Variants in RGS12 observed in about 807,000 individuals in gnomAD.
RGS12 encodes regulator of G-protein signaling 12.
Under a neutral mutation model 120.1 loss-of-function variants are expected in RGS12, and 66 were observed. The ratio of observed to expected loss-of-function variants is 0.55; its 90% confidence interval spans 0.45 to 0.67. RGS12 has a LOEUF of 0.67. RGS12 is among the 30% of genes least tolerant of loss of function. The pLI, the probability that RGS12 is intolerant of heterozygous loss-of-function variation, is 0.00. For missense variants in RGS12, 1,859 were observed against 1,957.7 expected, an observed-to-expected ratio of 0.95 and a Z score of 0.95; for synonymous variants, 827 against 804.7, an observed-to-expected ratio of 1.03 and a Z score of -0.47.
At position 3,416,958 on chromosome 4, in the gene RGS12, TC is replaced by T; in HGVS notation, c.2477del (p.Pro826ArgfsTer45). 1 of 1,610,990 alleles carries T rather than the reference TC, an allele frequency of 6.2e-7. No individual in the cohort carries two copies. Among genetic ancestry groups the T allele is most frequent in the Non-Finnish European group, 8.5e-7 (1 of 1,177,696 alleles). On this transcript the variant is annotated frameshift_variant, in exon 8 of 18. Coordinates refer to ENST00000336727, the MANE Select transcript of RGS12 (RefSeq NM_001394154.1). LOFTEE classifies it high-confidence loss of function. ...TGATAGCTACACTCGCTTTCTGAAG[TC>T]CCCGCTGTACCAGGAATGCATCCTG... ...KFDSYTRFLKSPLYQECILAE... is the reference protein window; with the variant it reads ...KFDSYTRFLKXPLYQECILAE...
Position 3,417,021 on chromosome 4 carries a change from C to G in RGS12, c.2536C>G (p.Gln846Glu). Reference protein sequence around the residue: ...VEGRALPDSQQVPSSPASKHS... With the variant: ...VEGRALPDSQEVPSSPASKHS... ...GGGCCGTGCACTCCCGGACTCGCAG[C>G]AGGTCCCCAGCAGCCCGGCTTCCAA... Residue 846 changes from glutamine (Q) to glutamate (E), a missense_variant, in exon 8 of 18, where the codon CAG becomes GAG. Gln to Glu is a conservative substitution (Grantham distance 29, BLOSUM62 2). Around this residue, in one of 3 missense-constraint regions of RGS12, gnomAD observed 375 missense variants for 475.0 expected, o/e 0.79. Transcript: ENST00000336727. 6.2e-7 allele frequency: 1 copy of G among 1,613,370 alleles called. No individual in the cohort carries two copies.
At chr4:3,435,843 G>C (rs1417505352) in intron 17 of RGS12, among the ~76,000 whole-genome samples, 1 of 152,152 alleles carries the variant, frequency 6.6e-6, no homozygotes. Context: ...CTACCCCCAT[G>C]TTCCCTCCAG....
intron 2 of RGS12, among the ~76,000 whole-genome samples, chr4:3,338,106 G>A (rs1712675068): frequency 6.6e-6 from 1 of 152,238 alleles, no homozygotes; most frequent in South Asian, 2.1e-4. Flanking sequence ...TGTTGCTCAG[G>A]CTGGAGTGCA....
At chr4:3,321,471 C>T (rs1725184638) in intron 2 of RGS12, among the ~76,000 whole-genome samples, 1 of 152,150 alleles carries the variant, frequency 6.6e-6, no homozygotes. Flanking sequence ...TCTTCAAGGC[C>T]CAGTGCCAGG....
In RGS12 at chr4:3,389,949, G is replaced by A. The variant is rs1454002229; in HGVS notation, c.2020+3512G>A. 1.3e-5 allele frequency among the ~76,000 whole-genome samples: 2 copies of A among 152,020 alleles called. No individual in the cohort carries two copies. Among genetic ancestry groups the A allele is most frequent in the Non-Finnish European group, 2.9e-5 (2 of 68,012 alleles). On this transcript the variant is annotated intron_variant, in intron 4 of 17. Transcript: ENST00000336727. This position sits in a 1 kb window ranked among gnomAD's most constrained non-coding sequence, Gnocchi z 5.2. ...ATGCCTTGTGCCTCAGCTCTGCCCTGACCCCACTCTGTCCACTCAGCTGCC... is the reference window on the plus strand; with the variant it reads ...ATGCCTTGTGCCTCAGCTCTGCCCTAACCCCACTCTGTCCACTCAGCTGCC...
intron 3 of RGS12, among the ~76,000 whole-genome samples, chr4:3,367,241 C>CG (rs1578839385): frequency 1.3e-5 from 2 of 152,278 alleles, no homozygotes; most frequent in African/African-American, 2.4e-5. Flanking sequence ...GCTCACCACA[C>CG]GGGGGCTTCG....
intron 3 of RGS12, among the ~76,000 whole-genome samples, chr4:3,354,341 C>G (rs568993311): frequency 2.6e-5 from 4 of 152,300 alleles, no homozygotes; most frequent in African/African-American, 9.6e-5. Flanking sequence ...TTAGATTCTG[C>G]CAGGTACACA....
intron 15 of RGS12, 148 bp from the exon 16 acceptor site, chr4:3,428,410 C>A: frequency 1.3e-6 from 1 of 794,908 alleles, no homozygotes; most frequent in Non-Finnish European, 2.0e-6. Flanking sequence ...TGTTTGTAAT[C>A]CTTATCATTG....
intron 9 of RGS12, chr4:3,419,281 A>C (rs1379040911): frequency 6.6e-6 from 1 of 151,328 alleles, no homozygotes; most frequent in Non-Finnish European, 1.5e-5. Context: ...CAGTGAGCTG[A>C]GATTGTGCCA....
chr4:3,304,119 G>A (rs1723839099), intron 1 of RGS12, among the ~76,000 whole-genome samples: 1 of 152,220 alleles, frequency 6.6e-6, no homozygotes, highest in Non-Finnish European at 1.5e-5. Flanking sequence ...GTGTGTCCCT[G>A]ATGCTCAGCC....
intron 3 of RGS12, 122 bp downstream of exon 3, chr4:3,343,175 G>T: frequency 1.5e-6 from 1 of 658,340 alleles, no homozygotes; most frequent in Non-Finnish European, 2.7e-6. Context: ...CCTCTGTAGT[G>T]GTAACCCCTG....
chr4:3,296,693 C>A (rs144683464), intron 1 of RGS12, among the ~76,000 whole-genome samples: 1 of 152,198 alleles, frequency 6.6e-6, no homozygotes, highest in Admixed American at 6.5e-5. Context: ...CCATTGTGTG[C>A]GAGGAGCACC....
chr4:3,388,084 A>G (rs6828057), intron 4 of RGS12, among the ~76,000 whole-genome samples: 82,217 of 151,864 alleles, frequency 0.54, 22,646 homozygotes, highest in African/African-American at 0.64. Context: ...CTGGCCACGC[A>G]GAGATCCCCT....
At chr4:3,422,624 C>T (rs1723145110) in intron 11 of RGS12, 54 bp downstream of exon 11, 11 of 1,553,942 alleles carry the variant, frequency 7.1e-6, no homozygotes, top group East Asian at 4.6e-5. Flanking sequence ...CTCCCCGCTC[C>T]CTGGCCCCCA....
At chr4:3,422,324 G>A (rs1364103134) in intron 10 of RGS12, 52 bp from the exon 11 acceptor site, 11 of 1,539,080 alleles carry the variant, frequency 7.1e-6, no homozygotes, top group East Asian at 2.4e-5. Context: ...GAGGTGCCCC[G>A]CACCCCTGTG....
At chr4:3,436,897 G>C (rs916850301) in intron 17 of RGS12, among the ~76,000 whole-genome samples, 2 of 152,206 alleles carry the variant, frequency 1.3e-5, no homozygotes, top group African/African-American at 4.8e-5. Context: ...GCCGTGGGGC[G>C]CCGGGGAGAG....
intron 4 of RGS12, among the ~76,000 whole-genome samples, chr4:3,388,959 CTG>C (rs1173987570): frequency 2.0e-5 from 3 of 152,216 alleles, no homozygotes; most frequent in Non-Finnish European, 4.4e-5. Context: ...CTCAGCTGGG[CTG>C]TCTCTGCCTG....
intron 17 of RGS12, chr4:3,431,350 A>G (rs1242166781): frequency 9.5e-7 from 1 of 1,057,212 alleles, no homozygotes; most frequent in African/African-American, 1.7e-5. Flanking sequence ...CTGGAAAACA[A>G]TAGCATTTGT....
chr4:3,406,693 A>T (rs1721167309), intron 4 of RGS12, among the ~76,000 whole-genome samples: 1 of 152,138 alleles, frequency 6.6e-6, no homozygotes, highest in Non-Finnish European at 1.5e-5. Flanking sequence ...ATGTTTCCTA[A>T]CCCTTGAACC....
Sources: allele counts gnomAD v4.1 joint callset (sites outside exome capture counted in the v4.1 genomes callset), GRCh38; gene constraint gnomAD v4.1.1; regional missense constraint gnomAD v4.1.1; non-coding constraint Gnocchi (gnomAD v3.1); transcripts MANE v1.5; gene names NCBI Gene and HGNC (gene_info 2026-07-23, HGNC 2026-07-21).